Variants in RAPGEF4 observed in about 807,000 individuals in gnomAD.
The protein encoded by RAPGEF4 is Rap guanine nucleotide exchange factor 4.
Under a neutral mutation model 147.9 loss-of-function variants are expected in RAPGEF4, and 66 were observed. The observed-to-expected ratio is 0.45, with a 90% CI of 0.37 to 0.55. RAPGEF4 has a LOEUF of 0.55. Among genes scored for constraint, RAPGEF4 ranks in the 20% least tolerant of loss-of-function variants. The pLI, the probability that RAPGEF4 is intolerant of heterozygous loss-of-function variation, is 0.00. For missense variants in RAPGEF4, 1,071 were observed against 1,257.3 expected (o/e 0.85, Z 2.24); for synonymous variants, 419 against 442.7 (o/e 0.95, Z 0.67).
chr2:172,914,487 C>A (rs963289865), intron 4 of RAPGEF4, among the ~76,000 whole-genome samples: 14 of 151,636 alleles, frequency 9.2e-5, no homozygotes, highest in African/African-American at 3.4e-4. Flanking sequence ...GCCTGAGCCA[C>A]CACGCCCTGC....
At chr2:172,885,933 G>A (rs1697159883) in intron 4 of RAPGEF4, among the ~76,000 whole-genome samples, 1 of 152,114 alleles carries the variant, frequency 6.6e-6, no homozygotes, top group Non-Finnish European at 1.5e-5. Context: ...TCGGTGCCCT[G>A]AGTGCCATGG....
At chr2:172,830,118 A>T (rs1690131239) in intron 4 of RAPGEF4, among the ~76,000 whole-genome samples, 1 of 152,190 alleles carries the variant, frequency 6.6e-6, no homozygotes, top group Admixed American at 6.5e-5. Flanking sequence ...TATAGACCAG[A>T]TTATGTAGCT....
chr2:172,987,646 T>C (rs190598842), intron 12 of RAPGEF4, among the ~76,000 whole-genome samples: 20 of 152,316 alleles, frequency 1.3e-4, no homozygotes, highest in African/African-American at 4.8e-4. Flanking sequence ...TTATAAGTAA[T>C]CTGGAAATGA....
At chr2:173,005,514 T>TG (rs1163348225) in intron 17 of RAPGEF4, among the ~76,000 whole-genome samples, 8 of 132,674 alleles carry the variant, frequency 6.0e-5, no homozygotes, top group African/African-American at 2.3e-4. Flanking sequence ...GTTGTTGTTG[T>TG]TTTGTGTTTT....
chr2:172,741,989 C>G (rs1346220530), intron 1 of RAPGEF4, among the ~76,000 whole-genome samples: 1 of 152,164 alleles, frequency 6.6e-6, no homozygotes, highest in Non-Finnish European at 1.5e-5. Flanking sequence ...ATCTGTGCCA[C>G]CCCTTCCCTG....
chr2:172,850,423 C>G (rs1443100645), intron 4 of RAPGEF4, among the ~76,000 whole-genome samples: 3 of 152,036 alleles, frequency 2.0e-5, no homozygotes, highest in Admixed American at 6.6e-5. Context: ...CAAGACCACC[C>G]TGGCTAACAC....
At chr2:172,857,901 A>AGG (rs1693619575) in intron 4 of RAPGEF4, among the ~76,000 whole-genome samples, 1 of 7,034 alleles carries the variant, frequency 1.4e-4, no homozygotes, top group Non-Finnish European at 5.1e-4. Context: ...AAAAAAAAAA[A>AGG]AAAAAAAAAA....
chr2:172,925,236 T>C (rs1575260497), intron 6 of RAPGEF4, among the ~76,000 whole-genome samples: 1 of 152,108 alleles, frequency 6.6e-6, no homozygotes, highest in African/African-American at 2.4e-5. Context: ...GCCTCGGCCT[T>C]CCAAAGTGAT....
chr2:172,800,924 G>A lies in RAPGEF4; in HGVS notation c.297+3311G>A, dbSNP rs567091597. On this transcript the variant is annotated intron_variant, in intron 3 of 30. Transcript: ENST00000397081. ...AATTAACCATAATAGACCCCAATGA[G>A]GAGGGAAATGGGGTTGGGTGAAGGC... Among the ~76,000 whole-genome samples, 3 of 152,294 alleles carry A rather than the reference G, an allele frequency of 2.0e-5. No homozygotes were observed. The South Asian group carries it at 6.2e-4, about 32-fold the overall frequency.
At chr2:172,775,842 A>G (rs1684110505) in intron 1 of RAPGEF4, among the ~76,000 whole-genome samples, 3 of 152,202 alleles carry the variant, frequency 2.0e-5, no homozygotes, top group Admixed American at 6.5e-5. Flanking sequence ...CTGTGAAAGG[A>G]AAGGGATTTG....
In RAPGEF4 at chr2:172,864,495, C is replaced by T. The variant is rs369551448; in HGVS notation, c.444+50070C>T. Among the ~76,000 whole-genome samples the T allele has an allele frequency of 1.3e-3, 199 of 152,220 alleles. No individual in the cohort carries two copies. In the South Asian group the frequency reaches 0.016, roughly 12 times the overall value. ...CCTGAGGAACCTCCAGTGTACGTCC[C>T]CCGATTTAGGTCCCCCTTGTCTTCA... On this transcript the variant is annotated intron_variant, in intron 4 of 30. Coordinates refer to ENST00000397081, the MANE Select transcript of RAPGEF4 (RefSeq NM_007023.4).
intron 1 of RAPGEF4, chr2:172,736,305 C>T: frequency 3.4e-6 from 1 of 291,022 alleles, no homozygotes. Flanking sequence ...GCACCCACCT[C>T]TCCAACCCCC....
rs1375929285 is a variant in RAPGEF4 at position 172,988,276 on chromosome 2, T to C, written c.1227+4T>C. On this transcript the variant is annotated splice_donor_region_variant and intron_variant, in intron 13 of 30. Transcript: ENST00000397081. ...GAATGTAGTCATTTACGGCAAGGTA[T>C]ATATATCTTTTTCTTTTTGAAACTT... 6.2e-7 allele frequency: 1 copy of C among 1,605,558 alleles called. No homozygotes were observed. Among genetic ancestry groups the C allele is most frequent in the Non-Finnish European group, 8.5e-7 (1 of 1,178,174 alleles).
chr2:172,970,330 G>A (rs1690335713), intron 10 of RAPGEF4, among the ~76,000 whole-genome samples: 1 of 152,102 alleles, frequency 6.6e-6, no homozygotes, highest in Non-Finnish European at 1.5e-5. Flanking sequence ...GAAACTGAGG[G>A]CATGTTCAGA....
At chr2:172,767,394 G>T (rs1303804537) in intron 1 of RAPGEF4, among the ~76,000 whole-genome samples, 5 of 151,996 alleles carry the variant, frequency 3.3e-5, no homozygotes, top group Admixed American at 2.0e-4. Flanking sequence ...GGTCAGGCTG[G>T]TCTCGAACTC....
chr2:172,778,470 T>C (rs1377696251), intron 1 of RAPGEF4, among the ~76,000 whole-genome samples: 2 of 152,192 alleles, frequency 1.3e-5, no homozygotes, highest in Admixed American at 6.5e-5. Flanking sequence ...AATATACTTA[T>C]ATCCAAGTAT....
At chr2:172,777,573 TAAG>T (rs1157763908) in intron 1 of RAPGEF4, among the ~76,000 whole-genome samples, 1 of 152,132 alleles carries the variant, frequency 6.6e-6, no homozygotes, top group African/African-American at 2.4e-5. Context: ...GCTAATAACT[TAAG>T]AAGACCCCCC....
intron 1 of RAPGEF4, among the ~76,000 whole-genome samples, chr2:172,765,549 A>T (rs895623108): frequency 6.6e-6 from 1 of 152,202 alleles, no homozygotes; most frequent in Admixed American, 6.5e-5. Context: ...CAGAGGATCC[A>T]GATCAACATG....
intron 4 of RAPGEF4, among the ~76,000 whole-genome samples, chr2:172,859,327 A>G (rs1419130260): frequency 2.0e-5 from 3 of 152,244 alleles, no homozygotes; most frequent in Non-Finnish European, 4.4e-5. Flanking sequence ...TAAGGCAGCA[A>G]CATTTTCAAG....
Sources: gnomAD v4.1 joint callset for allele counts (sites outside exome capture counted in the v4.1 genomes callset) on GRCh38, gnomAD v4.1.1 for gene constraint, MANE v1.5 for transcripts, NCBI Gene and HGNC (gene_info 2026-07-23, HGNC 2026-07-21) for gene names.